Variants in FAM117B observed in about 807,000 individuals in gnomAD.
The protein encoded by FAM117B is family with sequence similarity 117 member B.
Under a neutral mutation model 52.8 loss-of-function variants are expected in FAM117B, and 22 were observed. The ratio of observed to expected loss-of-function variants is 0.42; its 90% CI spans 0.30 to 0.59. The LOEUF (loss-of-function observed/expected upper bound fraction) is 0.59. FAM117B is among the 20% of genes least tolerant of loss of function. The pLI, the probability that FAM117B is intolerant of heterozygous loss-of-function variation, is 0.22. For synonymous variants in FAM117B, 309 were observed against 324.1 expected (o/e 0.95, Z 0.50); for missense variants, 678 against 802.6 (o/e 0.84, Z 1.88).
chr2:202,759,181 A>T, intron 6 of FAM117B, 52 bp from the exon 7 acceptor site: 1 of 1,599,848 alleles, frequency 6.3e-7, no homozygotes, highest in Non-Finnish European at 8.5e-7. Flanking sequence ...GAACAATTAA[A>T]TATAGTATGA....
intron 1 of FAM117B, among the ~76,000 whole-genome samples, chr2:202,684,579 C>G (rs775714889): frequency 1.3e-5 from 2 of 152,044 alleles, no homozygotes; most frequent in African/African-American, 2.4e-5. Context: ...CATTATGCCC[C>G]CAAGCACAGT....
chr2:202,731,416 A>C (rs535281642), intron 4 of FAM117B, among the ~76,000 whole-genome samples: 1 of 143,484 alleles, frequency 7.0e-6, no homozygotes, highest in South Asian at 2.2e-4. Flanking sequence ...ATAAACTTTT[A>C]TTTATTTTTA....
intron 1 of FAM117B, among the ~76,000 whole-genome samples, chr2:202,660,663 T>C (rs1452075997): frequency 6.6e-6 from 1 of 152,206 alleles, no homozygotes; most frequent in Non-Finnish European, 1.5e-5. Flanking sequence ...CTTGTCCTCA[T>C]TCTCTGATGA....
At chr2:202,695,260 C>G (rs62194142) in intron 1 of FAM117B, among the ~76,000 whole-genome samples, 128 of 151,744 alleles carry the variant, frequency 8.4e-4, no homozygotes, top group Middle Eastern at 3.4e-3. Context: ...TAATCCTTAT[C>G]CTTTTTTTTT....
intron 1 of FAM117B, among the ~76,000 whole-genome samples, chr2:202,687,775 T>C (rs1690567359): frequency 6.6e-6 from 1 of 152,194 alleles, no homozygotes; most frequent in Admixed American, 6.6e-5. Context: ...CTAATTGGAT[T>C]TTTAAGTTTC....
chr2:202,649,620 C>T (rs889008407), intron 1 of FAM117B, among the ~76,000 whole-genome samples: 5 of 151,892 alleles, frequency 3.3e-5, no homozygotes, highest in South Asian at 2.1e-4. Context: ...GGCGTGATCT[C>T]GGCACATTGC....
Position 202,757,351 on chromosome 2 carries a change from CCAA to C in FAM117B, c.1246_1248del (p.Thr416del). ...CAGCAGCCGTTCCCAGTCCGTGTCC[CCAA>C]CATCGTTCCTCACCATTTCCAATGA... On this transcript the variant is annotated inframe_deletion, in exon 6 of 8. Transcript: ENST00000392238. The C allele has an allele frequency of 6.2e-7, 1 of 1,614,056 alleles. No homozygotes were observed. Among genetic ancestry groups the C allele is most frequent in the Non-Finnish European group, 8.5e-7 (1 of 1,180,028 alleles).
At chr2:202,659,467 G>C (rs1254668987) in intron 1 of FAM117B, among the ~76,000 whole-genome samples, 1 of 151,806 alleles carries the variant, frequency 6.6e-6, no homozygotes, top group African/African-American at 2.4e-5. Flanking sequence ...ACATAATCCT[G>C]CCTGGCTAAT....
intron 1 of FAM117B, among the ~76,000 whole-genome samples, chr2:202,673,226 C>T (rs1010506254): frequency 1.3e-5 from 2 of 151,968 alleles, no homozygotes; most frequent in East Asian, 1.9e-4. Flanking sequence ...AAGACTACAA[C>T]GGGAGTCCAG....
At chr2:202,755,019 G>A (rs1468667845) in intron 4 of FAM117B, among the ~76,000 whole-genome samples, 1 of 151,898 alleles carries the variant, frequency 6.6e-6, no homozygotes, top group Non-Finnish European at 1.5e-5. Flanking sequence ...AGGCAAAGGG[G>A]GAAAGACACA....
Position 202,715,442 on chromosome 2 carries a change from C to T in FAM117B, c.754-9475C>T, listed in dbSNP as rs559711344. On this transcript the variant is annotated intron_variant, in intron 2 of 7. Coordinates refer to ENST00000392238, the MANE Select transcript of FAM117B (RefSeq NM_173511.4). The stretch of plus-strand genomic sequence containing the variant: ...GCAGAGACGCTCCTCACCTCCCAGA[C>T]GGGGTTGCGGCCGGGCAGAGGCGCT... 6.0e-3 allele frequency among the ~76,000 whole-genome samples: 877 copies of T among 145,258 alleles called. 7 individuals carry two copies. Among genetic ancestry groups the T allele is most frequent in the African/African-American group, 0.021 (822 of 38,816 alleles).
At chr2:202,649,566 T>C (rs1457790551) in intron 1 of FAM117B, among the ~76,000 whole-genome samples, 1 of 152,190 alleles carries the variant, frequency 6.6e-6, no homozygotes. Flanking sequence ...ATTTTTTATT[T>C]TTTGAGATAG....
chr2:202,656,230 C>T (rs929093748), intron 1 of FAM117B, among the ~76,000 whole-genome samples: 1 of 152,036 alleles, frequency 6.6e-6, no homozygotes, highest in Admixed American at 6.6e-5. Context: ...TCTCTGCTCT[C>T]GTCTTTATTT....
intron 1 of FAM117B, among the ~76,000 whole-genome samples, chr2:202,680,269 C>CT (rs1400420448): frequency 6.6e-6 from 1 of 152,046 alleles, no homozygotes; most frequent in East Asian, 1.9e-4. Flanking sequence ...CAAAAAAAGT[C>CT]TGACAAGGGA....
In FAM117B at chr2:202,766,089, CACACACACACA is replaced by C; in HGVS notation, c.*326_*336del. 4.2e-6 allele frequency: 1 copy of C among 238,034 alleles called. No homozygotes were observed. The highest frequency in any genetic ancestry group is 8.3e-6 in the Non-Finnish European group (1 of 121,000). 14.7% of individuals were successfully genotyped at this position (238,034 alleles called of 1,614,324 possible). A position where few individuals can be genotyped will look rare whatever the true frequency, so the allele number is the denominator to read the frequency against. On this transcript the variant is annotated 3_prime_UTR_variant, in exon 8 of 8. Transcript: ENST00000392238. ...ACACACACACACACACACACACACA[CACACACACACA>C]CACACACCCCTGATCCTTGCCAACA... is the stretch of plus-strand genomic sequence containing the variant.
intron 2 of FAM117B, among the ~76,000 whole-genome samples, chr2:202,705,382 C>T (rs372709683): frequency 1.3e-5 from 2 of 152,114 alleles, no homozygotes; most frequent in Non-Finnish European, 2.9e-5. Flanking sequence ...GTTGCATACC[C>T]CACCTCATCA....
At chr2:202,666,629 G>A (rs1257759665) in intron 1 of FAM117B, among the ~76,000 whole-genome samples, 3 of 147,742 alleles carry the variant, frequency 2.0e-5, no homozygotes, top group Non-Finnish European at 4.5e-5. Flanking sequence ...TTCACTTCTG[G>A]TTTTTGACTA....
At chr2:202,680,144 C>T (rs1005039461) in intron 1 of FAM117B, among the ~76,000 whole-genome samples, 2 of 151,892 alleles carry the variant, frequency 1.3e-5, no homozygotes, top group Non-Finnish European at 2.9e-5. Flanking sequence ...CAGTAGAAAC[C>T]ACACAAAAAT....
At position 202,767,010 on chromosome 2, in the gene FAM117B, A is replaced by C. The variant is rs1017958399; in HGVS notation, c.*1246A>C. 1 of 152,616 alleles carries C rather than the reference A, an allele frequency of 6.6e-6. No homozygotes were observed. The highest frequency in any genetic ancestry group is 2.4e-5 in the African/African-American group (1 of 41,438). The allele number at this position is 152,616 out of a possible 1,614,324, so 9.5% of individuals were successfully genotyped here. ...ACGCTTCACATAGTGGGGAAAATAC[A>C]CAAGAAGAACTTGAGTATGAACGAT... On this transcript the variant is annotated 3_prime_UTR_variant, in exon 8 of 8. Transcript: ENST00000392238.
Sources: gnomAD v4.1 joint callset for allele counts (sites outside exome capture counted in the v4.1 genomes callset) on GRCh38, gnomAD v4.1.1 for gene constraint, MANE v1.5 for transcripts, NCBI Gene and HGNC (gene_info 2026-07-23, HGNC 2026-07-21) for gene names.